NSMCE2: variants seen among roughly 807,000 people sequenced by gnomAD.
The protein encoded by NSMCE2 is E3 SUMO-protein ligase NSE2.
Under a neutral mutation model 23.8 loss-of-function variants are expected in NSMCE2, and 24 were observed. That is an observed-to-expected ratio of 1.01 (90% CI 0.73 to 1.42). The LOEUF (loss-of-function observed/expected upper bound fraction) is 1.42. Ranked by LOEUF, NSMCE2 falls within the 40% of genes most tolerant of loss-of-function variation. The probability of loss-of-function intolerance (pLI) is 0.00; values close to 1 mark genes in which losing one functional copy is unlikely to be tolerated. For missense variants in NSMCE2, 284 were observed against 296.5 expected, an observed-to-expected ratio of 0.96 and a Z score of 0.31; for synonymous variants, 92 against 94.1, an observed-to-expected ratio of 0.98 and a Z score of 0.13.
chr8:125,255,579 G>A (rs1396586540), intron 5 of NSMCE2, among the ~76,000 whole-genome samples: 1 of 152,130 alleles, frequency 6.6e-6, no homozygotes, highest in Non-Finnish European at 1.5e-5. Flanking sequence ...AAACAACATG[G>A]TGTGCAGAAG....
chr8:125,200,793 G>T (rs1823837578), intron 5 of NSMCE2, among the ~76,000 whole-genome samples: 1 of 152,156 alleles, frequency 6.6e-6, no homozygotes, highest in South Asian at 2.1e-4. Flanking sequence ...CATACTCCCT[G>T]TCACTTTCAG....
At chr8:125,346,583 C>T (rs976392077) in intron 5 of NSMCE2, among the ~76,000 whole-genome samples, 2 of 152,058 alleles carry the variant, frequency 1.3e-5, no homozygotes, top group Non-Finnish European at 2.9e-5. Context: ...AGTTCATTAC[C>T]CAGATAAAAG....
intron 3 of NSMCE2, among the ~76,000 whole-genome samples, chr8:125,124,619 A>G (rs904907757): frequency 6.6e-6 from 1 of 152,112 alleles, no homozygotes; most frequent in Non-Finnish European, 1.5e-5. Context: ...AGCTGGGACT[A>G]TAGGCTTGCA....
At chr8:125,359,266 CAAAA>C (rs35823474) in intron 7 of NSMCE2, among the ~76,000 whole-genome samples, 4 of 95,370 alleles carry the variant, frequency 4.2e-5, no homozygotes, top group Non-Finnish European at 4.3e-5. Context: ...ACTCTGTCTC[CAAAA>C]AAAAAAAAAA....
chr8:125,340,012 G>GTTTTTTTTTTT lies in NSMCE2; in HGVS notation c.419-17197_419-17187dup, dbSNP rs752038710. ...GCCTCCGACGTTGTAGTTTTTTTTT[G>GTTTTTTTTTTT]TTTTTTTTTTTTTTTTTTTTGAGAC... On this transcript the variant is annotated intron_variant, in intron 5 of 7. Transcript: ENST00000287437. Among the ~76,000 whole-genome samples, 207 of 102,820 alleles carry GTTTTTTTTTTT rather than the reference G, an allele frequency of 2.0e-3. 3 individuals carry two copies. The highest frequency in any genetic ancestry group is 2.7e-3 in the East Asian group (9 of 3,282). 67.5% of individuals were successfully genotyped at this position (102,820 alleles called of 152,430 possible).
intron 5 of NSMCE2, among the ~76,000 whole-genome samples, chr8:125,303,678 C>T (rs1295544258): frequency 2.0e-5 from 3 of 152,068 alleles, no homozygotes; most frequent in Non-Finnish European, 4.4e-5. Flanking sequence ...AATTCAACTC[C>T]ACATACTCAA....
intron 3 of NSMCE2, among the ~76,000 whole-genome samples, chr8:125,132,139 C>T (rs1221820999): frequency 2.0e-5 from 3 of 152,018 alleles, no homozygotes; most frequent in Admixed American, 2.0e-4. Context: ...GCTCTGTTGC[C>T]CAGGCTGGAG....
intron 5 of NSMCE2, among the ~76,000 whole-genome samples, chr8:125,224,207 A>G (rs1824995611): frequency 6.6e-6 from 1 of 152,118 alleles, no homozygotes; most frequent in Admixed American, 6.6e-5. Flanking sequence ...TGTATTTTGG[A>G]TGTTAGCTCA....
chr8:125,273,727 G>A (rs919964471), intron 5 of NSMCE2, among the ~76,000 whole-genome samples: 1 of 152,194 alleles, frequency 6.6e-6, no homozygotes, highest in Non-Finnish European at 1.5e-5. Context: ...GAAATGAACA[G>A]TAAAGTTGGA....
chr8:125,352,616 C>T (rs1813087157), intron 5 of NSMCE2, among the ~76,000 whole-genome samples: 1 of 152,148 alleles, frequency 6.6e-6, no homozygotes, highest in South Asian at 2.1e-4. Context: ...ACAAAACCTA[C>T]ACTTTCTTTG....
chr8:125,225,539 C>T (rs1825054488), intron 5 of NSMCE2, among the ~76,000 whole-genome samples: 1 of 152,174 alleles, frequency 6.6e-6, no homozygotes, highest in Admixed American at 6.5e-5. Context: ...CTGCAGTTTG[C>T]CAGCACCCCC....
intron 5 of NSMCE2, among the ~76,000 whole-genome samples, chr8:125,350,566 C>T (rs1418537348): frequency 6.6e-6 from 1 of 152,192 alleles, no homozygotes; most frequent in Non-Finnish European, 1.5e-5. Flanking sequence ...TAACGTTCCA[C>T]ATGGCTGGGG....
chr8:125,241,992 G>T (rs1166570329), intron 5 of NSMCE2, among the ~76,000 whole-genome samples: 1 of 152,152 alleles, frequency 6.6e-6, no homozygotes, highest in Non-Finnish European at 1.5e-5. Flanking sequence ...TCAGACCAAA[G>T]ATCCCTAGAT....
chr8:125,255,936 G>T (rs1826386100), intron 5 of NSMCE2, among the ~76,000 whole-genome samples: 1 of 152,110 alleles, frequency 6.6e-6, no homozygotes, highest in African/African-American at 2.4e-5. Flanking sequence ...ATGGGGAAGA[G>T]AAACTAGAGT....
intron 3 of NSMCE2, among the ~76,000 whole-genome samples, chr8:125,122,015 C>T (rs1819285686): frequency 6.6e-6 from 1 of 151,934 alleles, no homozygotes; most frequent in African/African-American, 2.4e-5. Flanking sequence ...AAGTTCTTAC[C>T]TACGCATTAT....
At chr8:125,132,792 A>G (rs545685611) in intron 3 of NSMCE2, among the ~76,000 whole-genome samples, 1 of 152,276 alleles carries the variant, frequency 6.6e-6, no homozygotes, top group African/African-American at 2.4e-5. Context: ...ACCCACACCC[A>G]GCCCAATTTT....
At chr8:125,332,997 G>A (rs961956104) in intron 5 of NSMCE2, among the ~76,000 whole-genome samples, 2 of 152,140 alleles carry the variant, frequency 1.3e-5, no homozygotes, top group African/African-American at 4.8e-5. Context: ...AGAGTTGTCT[G>A]AGTGGAACAC....
chr8:125,266,246 C>T (rs1336905920), intron 5 of NSMCE2, among the ~76,000 whole-genome samples: 1 of 152,192 alleles, frequency 6.6e-6, no homozygotes, highest in Non-Finnish European at 1.5e-5. Flanking sequence ...CATGTGCCAC[C>T]ACGCCCGGCT....
At chr8:125,124,568 C>T (rs1819423900) in intron 3 of NSMCE2, among the ~76,000 whole-genome samples, 1 of 151,948 alleles carries the variant, frequency 6.6e-6, no homozygotes, top group Non-Finnish European at 1.5e-5. Context: ...TAGCCTCAAC[C>T]TTCTAGGCTC....
Sources: allele counts gnomAD v4.1 joint callset (sites outside exome capture counted in the v4.1 genomes callset), GRCh38; gene constraint gnomAD v4.1.1; transcripts MANE v1.5; gene names NCBI Gene and HGNC (gene_info 2026-07-23, HGNC 2026-07-21).